ASIC2: variants seen among roughly 807,000 people sequenced by gnomAD.
ASIC2 encodes the protein acid sensing ion channel subunit 2.
ASIC2 carries 25 observed loss-of-function variants against 57.3 expected under a neutral mutation model. The ratio of observed to expected loss-of-function variants is 0.44; its 90% confidence interval spans 0.32 to 0.61. ASIC2 has a LOEUF of 0.61. Ranked by LOEUF, ASIC2 falls within the 20% of genes least tolerant of loss-of-function variation. The pLI, the probability that ASIC2 is intolerant of heterozygous loss-of-function variation, is 0.06. For synonymous variants in ASIC2, 319 were observed against 307.5 expected, an observed-to-expected ratio of 1.04 and a Z score of -0.39; for missense variants, 641 against 738.1, an observed-to-expected ratio of 0.87 and a Z score of 1.52.
chr17:33,158,470 T>C (rs1429027018), intron 1 of ASIC2, among the ~76,000 whole-genome samples: 2 of 152,166 alleles, frequency 1.3e-5, no homozygotes, highest in African/African-American at 4.8e-5. Flanking sequence ...CCCTGGAGTA[T>C]TAACTGCTGG....
At chr17:33,928,369 A>G (rs1915866371) in intron 1 of ASIC2, among the ~76,000 whole-genome samples, 1 of 152,016 alleles carries the variant, frequency 6.6e-6, no homozygotes, top group Admixed American at 6.6e-5. Context: ...GTGGGTGGTA[A>G]AAGCTGACCA....
At chr17:33,383,533 T>C (rs1407537174) in intron 1 of ASIC2, among the ~76,000 whole-genome samples, 4 of 152,198 alleles carry the variant, frequency 2.6e-5, no homozygotes, top group African/African-American at 4.8e-5. Flanking sequence ...CCAATATCAA[T>C]AGTAAATTGA....
intron 1 of ASIC2, among the ~76,000 whole-genome samples, chr17:33,395,515 C>T (rs1947386753): frequency 6.6e-6 from 1 of 152,194 alleles, no homozygotes; most frequent in South Asian, 2.1e-4. Flanking sequence ...TTACCTCTCA[C>T]TGGGTCCCTC....
chr17:34,121,407 T>G (rs1167753427), intron 1 of ASIC2, among the ~76,000 whole-genome samples: 1 of 152,068 alleles, frequency 6.6e-6, no homozygotes, highest in Non-Finnish European at 1.5e-5. Context: ...CTTGTCCCAG[T>G]ATTACCCCTC....
intron 1 of ASIC2, among the ~76,000 whole-genome samples, chr17:33,830,822 C>A (rs1284745668): frequency 6.6e-6 from 1 of 151,886 alleles, no homozygotes; most frequent in Non-Finnish European, 1.5e-5. Flanking sequence ...ATTTCAAAAG[C>A]AAGTCCTGCA....
intron 1 of ASIC2, among the ~76,000 whole-genome samples, chr17:33,350,427 C>A (rs1022826119): frequency 2.0e-5 from 3 of 152,132 alleles, no homozygotes; most frequent in Non-Finnish European, 4.4e-5. Flanking sequence ...CACCTGTAAT[C>A]CTAGCACTTT....
intron 1 of ASIC2, among the ~76,000 whole-genome samples, chr17:33,756,914 C>G (rs2142109230): frequency 6.6e-6 from 1 of 152,340 alleles, no homozygotes; most frequent in East Asian, 1.9e-4. Flanking sequence ...ATAGGTTTCA[C>G]TGGGCAGAAA....
chr17:33,697,776 C>T (rs1054026192), intron 1 of ASIC2, among the ~76,000 whole-genome samples: 1 of 152,200 alleles, frequency 6.6e-6, no homozygotes. Context: ...AGATGAGTGG[C>T]ACCAACTATA....
At chr17:34,055,324 T>A (rs895600498) in intron 1 of ASIC2, among the ~76,000 whole-genome samples, 12 of 152,246 alleles carry the variant, frequency 7.9e-5, no homozygotes, top group Admixed American at 6.5e-4. Context: ...TCACCCAGAT[T>A]CAACAAATTA....
intron 2 of ASIC2, among the ~76,000 whole-genome samples, chr17:33,102,251 C>T (rs1323513014): frequency 6.6e-6 from 1 of 152,208 alleles, no homozygotes; most frequent in Non-Finnish European, 1.5e-5. Context: ...ATATAGAATT[C>T]TATTCAGAAA....
chr17:33,983,141 T>G (rs979728819), intron 1 of ASIC2, among the ~76,000 whole-genome samples: 1 of 152,182 alleles, frequency 6.6e-6, no homozygotes, highest in Admixed American at 6.5e-5. Flanking sequence ...AGTATACCAG[T>G]TACTCAAAAA....
chr17:33,128,544 G>C (rs1175946765), intron 1 of ASIC2, among the ~76,000 whole-genome samples: 3 of 152,214 alleles, frequency 2.0e-5, no homozygotes. Context: ...GTTGGCAGGA[G>C]AAGTTGAATT....
chr17:33,658,765 G>A (rs1907156051), intron 1 of ASIC2, among the ~76,000 whole-genome samples: 2 of 152,186 alleles, frequency 1.3e-5, no homozygotes, highest in Non-Finnish European at 2.9e-5. Flanking sequence ...GGAGGCTGAG[G>A]TGGACGGATC....
intron 1 of ASIC2, among the ~76,000 whole-genome samples, chr17:33,868,461 A>C (rs1045068756): frequency 1.1e-4 from 16 of 151,768 alleles, no homozygotes; most frequent in African/African-American, 3.9e-4. Context: ...TGCAAAATGG[A>C]TCATAGATTT....
At chr17:34,145,637 C>G (rs909798974) in intron 1 of ASIC2, among the ~76,000 whole-genome samples, 3 of 152,328 alleles carry the variant, frequency 2.0e-5, no homozygotes, top group South Asian at 2.1e-4. Context: ...TGGCTTCACA[C>G]AGAGAAAGTC....
intron 1 of ASIC2, among the ~76,000 whole-genome samples, chr17:33,142,644 A>C (rs1597600484): frequency 1.3e-5 from 2 of 152,178 alleles, no homozygotes; most frequent in Admixed American, 1.3e-4. Context: ...TCTTGGCTGG[A>C]ATGTTAAGTC....
At chr17:33,295,329 C>A (rs747245138), upstream of ASIC2, among the ~76,000 whole-genome samples, 3 of 152,194 alleles carry the variant, frequency 2.0e-5, no homozygotes, top group Non-Finnish European at 4.4e-5. Flanking sequence ...GACACACGGG[C>A]AGCTAGTGAC....
intron 1 of ASIC2, among the ~76,000 whole-genome samples, chr17:33,215,800 C>T (rs1382549233): frequency 2.0e-5 from 3 of 151,518 alleles, no homozygotes; most frequent in African/African-American, 4.8e-5. Context: ...CCCGGGTTCA[C>T]GCCATTCTCC....
intron 1 of ASIC2, among the ~76,000 whole-genome samples, chr17:33,996,116 T>C (rs992103751): frequency 6.6e-6 from 1 of 152,256 alleles, no homozygotes; most frequent in African/African-American, 2.4e-5. Flanking sequence ...TGAACATTTT[T>C]TTTCATATAC....
Sources: allele counts gnomAD v4.1 joint callset (sites outside exome capture counted in the v4.1 genomes callset), GRCh38; gene constraint gnomAD v4.1.1; transcripts MANE v1.5; gene names NCBI Gene and HGNC (gene_info 2026-07-23, HGNC 2026-07-21).